The following TANC2 variants were observed in gnomAD, a reference collection of about 807,000 sequenced individuals.
TANC2 encodes the protein protein TANC2.
In TANC2, 26 loss-of-function variants were observed where a neutral mutation model predicts 210.5. The ratio of observed to expected loss-of-function variants is 0.12; its 90% CI spans 0.09 to 0.17. TANC2 has a LOEUF of 0.17. TANC2 is among the 10% of genes least tolerant of loss of function. The pLI, the probability that TANC2 is intolerant of heterozygous loss-of-function variation, is 1.00. For synonymous variants in TANC2, 931 were observed against 967.1 expected (o/e 0.96, Z 0.69); for missense variants, 2,129 against 2,608.9 (o/e 0.82, Z 4.01).
At chr17:63,385,703 A>G (rs2047757382) in intron 15 of TANC2, among the ~76,000 whole-genome samples, 1 of 152,222 alleles carries the variant, frequency 6.6e-6, no homozygotes, top group Admixed American at 6.5e-5. Context: ...CTGGGTGCCT[A>G]CATGGGTACT....
chr17:63,388,578 C>T, intron 15 of TANC2, 57 bp from the exon 16 acceptor site: 1 of 1,549,630 alleles, frequency 6.5e-7, no homozygotes, highest in Non-Finnish European at 8.7e-7. Context: ...TAATTCACCA[C>T]TGATGCTACT....
chr17:63,199,295 A>C (rs373626998), intron 6 of TANC2, among the ~76,000 whole-genome samples: 1 of 152,166 alleles, frequency 6.6e-6, no homozygotes, highest in Non-Finnish European at 1.5e-5. Flanking sequence ...GTCTTCAAGT[A>C]ATTTTGCTGC....
chr17:63,055,327 C>T (rs2035730535), intron 2 of TANC2, among the ~76,000 whole-genome samples: 1 of 151,968 alleles, frequency 6.6e-6, no homozygotes, highest in African/African-American at 2.4e-5. Flanking sequence ...AATCTATTAA[C>T]AGTATTTCTC....
chr17:63,411,918 A>C (rs2048715449), intron 22 of TANC2, 80 bp from the exon 23 acceptor site: 1 of 1,567,274 alleles, frequency 6.4e-7, no homozygotes, highest in Admixed American at 1.8e-5. Context: ...GAAAAAGGGC[A>C]GGCAGCAGCC....
At chr17:63,182,433 T>C in intron 5 of TANC2, 1 of 266,244 alleles carries the variant, frequency 3.8e-6, no homozygotes, top group Non-Finnish European at 7.4e-6. Context: ...GACAGTTCGT[T>C]TTAGTTTGGC....
At chr17:63,220,431 G>A (rs1567826155) in intron 7 of TANC2, among the ~76,000 whole-genome samples, 1 of 151,772 alleles carries the variant, frequency 6.6e-6, no homozygotes, top group South Asian at 2.1e-4. Context: ...GCTGGGCACG[G>A]TGGCTCATGT....
chr17:63,042,054 T>C (rs2035208390), intron 2 of TANC2, among the ~76,000 whole-genome samples: 1 of 152,190 alleles, frequency 6.6e-6, no homozygotes, highest in South Asian at 2.1e-4. Context: ...GTATTTATTA[T>C]TCTTGGCTAG....
chr17:63,111,881 A>G (rs1319411090), intron 4 of TANC2, among the ~76,000 whole-genome samples: 2 of 152,012 alleles, frequency 1.3e-5, no homozygotes, highest in Admixed American at 1.3e-4. Flanking sequence ...GTGCACCACC[A>G]TGCCCAGCTA....
At chr17:62,976,593 G>A (rs1452374245) in intron 1 of TANC2, among the ~76,000 whole-genome samples, 2 of 151,892 alleles carry the variant, frequency 1.3e-5, no homozygotes, top group African/African-American at 2.4e-5. Flanking sequence ...AAAAAATAAA[G>A]TAGAGGTTCC....
At chr17:63,392,997 C>G (rs1243976606) in intron 17 of TANC2, among the ~76,000 whole-genome samples, 1 of 152,132 alleles carries the variant, frequency 6.6e-6, no homozygotes. Context: ...ATCTACAGAC[C>G]TTACTGAAAT....
chr17:63,184,014 C>CA lies in TANC2; in HGVS notation c.434-9964dup, dbSNP rs570141267. On this transcript the variant is annotated intron_variant, in intron 5 of 27. Coordinates refer to ENST00000689528, the Ensembl canonical transcript of TANC2. ...CCTGGGCGACAGCGAGACTCCGTCT[C>CA]AAAAAAAAAAAAAGAAATGCAAATG... 3.9e-3 allele frequency among the ~76,000 whole-genome samples: 455 copies of CA among 117,526 alleles called. 1 individual carries two copies. Among genetic ancestry groups the CA allele is most frequent in the South Asian group, 8.2e-3 (31 of 3,762 alleles). 77.1% of individuals were successfully genotyped at this position (117,526 alleles called of 152,430 possible).
chr17:63,389,706 A>T (rs2047902231), intron 17 of TANC2, 162 bp downstream of exon 17: 2 of 699,456 alleles, frequency 2.9e-6, no homozygotes, highest in East Asian at 5.4e-5. Flanking sequence ...GTGCAGGGCC[A>T]CTGCCATCCA....
chr17:63,040,827 T>G (rs552943198), intron 2 of TANC2, among the ~76,000 whole-genome samples: 4 of 152,306 alleles, frequency 2.6e-5, no homozygotes, highest in African/African-American at 9.6e-5. Flanking sequence ...TTAGTTAGTG[T>G]TGTGGGTAGT....
At chr17:63,243,280 A>T (rs2042825195) in intron 8 of TANC2, among the ~76,000 whole-genome samples, 1 of 152,204 alleles carries the variant, frequency 6.6e-6, no homozygotes, top group African/African-American at 2.4e-5. Context: ...CCATTTTGTA[A>T]AGTTGTTTGA....
chr17:63,341,473 T>C (rs1247951458), intron 12 of TANC2, among the ~76,000 whole-genome samples: 2 of 152,254 alleles, frequency 1.3e-5, no homozygotes, highest in East Asian at 3.8e-4. Context: ...TATCTATAAT[T>C]ACCTCATCCT....
intron 4 of TANC2, among the ~76,000 whole-genome samples, chr17:63,119,757 G>A (rs960537781): frequency 1.3e-5 from 2 of 152,176 alleles, no homozygotes; most frequent in Non-Finnish European, 2.9e-5. Context: ...GCTCACACCT[G>A]TAATTCCAGC....
chr17:63,009,912 GT>G (rs1256123061), intron 2 of TANC2, among the ~76,000 whole-genome samples: 1 of 152,082 alleles, frequency 6.6e-6, no homozygotes, highest in Non-Finnish European at 1.5e-5. Context: ...CTAGACCTAA[GT>G]TTATGTTTTT....
intron 7 of TANC2, among the ~76,000 whole-genome samples, chr17:63,230,535 A>C (rs934431864): frequency 1.3e-5 from 2 of 152,038 alleles, no homozygotes; most frequent in African/African-American, 4.8e-5. Flanking sequence ...TAATTTCTTT[A>C]TTTACCCAGG....
At chr17:63,254,701 G>A (rs1173367447) in intron 8 of TANC2, among the ~76,000 whole-genome samples, 2 of 152,116 alleles carry the variant, frequency 1.3e-5, no homozygotes, top group East Asian at 3.8e-4. Context: ...TTGAACTTTA[G>A]CAAATGCTTT....
Sources: allele counts gnomAD v4.1 joint callset (sites outside exome capture counted in the v4.1 genomes callset), GRCh38; gene constraint gnomAD v4.1.1; transcripts MANE v1.5; gene names NCBI Gene and HGNC (gene_info 2026-07-23, HGNC 2026-07-21).